The following TNKS2 variants were observed in gnomAD, a reference collection of about 807,000 sequenced individuals.
The protein encoded by TNKS2 is tankyrase 2, also known as poly [ADP-ribose] polymerase tankyrase-2.
A neutral mutation model predicts 137.6 loss-of-function variants in TNKS2; 72 were observed. That is an observed-to-expected ratio of 0.52 (90% CI 0.43 to 0.64). TNKS2 has a LOEUF of 0.64. Ranked by LOEUF, TNKS2 falls within the 30% of genes least tolerant of loss-of-function variation. The pLI, the probability that TNKS2 is intolerant of heterozygous loss-of-function variation, is 0.00. For synonymous variants in TNKS2, 516 were observed against 512.1 expected, an observed-to-expected ratio of 1.01 and a Z score of -0.10; for missense variants, 1,049 against 1,410.2, an observed-to-expected ratio of 0.74 and a Z score of 4.10.
intron 13 of TNKS2, among the ~76,000 whole-genome samples, chr10:91,838,501 C>A (rs776324662): frequency 6.6e-6 from 1 of 152,174 alleles, no homozygotes; most frequent in Non-Finnish European, 1.5e-5. Context: ...CTTTATTCGA[C>A]ACATGCTATT....
chr10:91,857,313 A>C (rs1371630830), intron 23 of TNKS2, 112 bp from the exon 24 acceptor site: 1 of 522,314 alleles, frequency 1.9e-6, no homozygotes, highest in Non-Finnish European at 3.3e-6. Context: ...TTTATATTTC[A>C]GAGTACAGTT....
intron 19 of TNKS2, 59 bp downstream of exon 19, chr10:91,848,694 T>A: frequency 6.3e-7 from 1 of 1,575,440 alleles, no homozygotes. Context: ...ATTTGTCATT[T>A]GGGATGCTAA....
Position 91,821,499 on chromosome 10 carries a change from A to G in TNKS2, c.729-797A>G, listed in dbSNP as rs143055247. 3.8e-3 allele frequency among the ~76,000 whole-genome samples: 580 copies of G among 152,270 alleles called. 1 individual carries two copies. Among genetic ancestry groups the G allele is most frequent in the African/African-American group, 0.013 (538 of 41,540 alleles). ...CTCATAGAACTAAAGACTAAATCACAGGTGACCATCCCTTACCAGAGTTTG... is the reference window on the plus strand; with the variant it reads ...CTCATAGAACTAAAGACTAAATCACGGGTGACCATCCCTTACCAGAGTTTG... On this transcript the variant is annotated intron_variant, in intron 6 of 26. Coordinates refer to ENST00000371627, the MANE Select transcript of TNKS2 (RefSeq NM_025235.4).
chr10:91,855,668 A>G lies in TNKS2; in HGVS notation c.2968A>G (p.Asn990Asp). Residue 990 changes from asparagine to aspartate, a missense_variant, in exon 23 of 27, where the codon AAC becomes GAC. This residue lies in a region of TNKS2 where 133 missense variants were observed against 248.4 expected (regional missense o/e 0.54). Transcript: ENST00000371627. ...RDGGHAGGIFNRYNILKIQKV... is the reference protein window; with the variant it reads ...RDGGHAGGIFDRYNILKIQKV... ...TGGAGGTCATGCAGGTGGAATCTTC[A>G]ACAGATACAATATTCTCAAGGTAAT... is the stretch of plus-strand genomic sequence containing the variant. 1 of 1,612,530 alleles carries G rather than the reference A, an allele frequency of 6.2e-7. No homozygotes were observed. The highest frequency in any genetic ancestry group is 8.5e-7 in the Non-Finnish European group (1 of 1,179,100).
intron 1 of TNKS2, among the ~76,000 whole-genome samples, chr10:91,802,340 C>T (rs564751039): frequency 1.3e-5 from 2 of 152,292 alleles, no homozygotes; most frequent in East Asian, 3.9e-4. Flanking sequence ...ACCATGTTAT[C>T]GTCTTCACAT....
intron 1 of TNKS2, among the ~76,000 whole-genome samples, chr10:91,806,125 G>A (rs1339363626): frequency 2.0e-5 from 3 of 150,152 alleles, no homozygotes; most frequent in Non-Finnish European, 4.4e-5. Flanking sequence ...ATATAGCTAA[G>A]GGAACTTACC....
chr10:91,800,453 A>G (rs543743017), intron 1 of TNKS2, among the ~76,000 whole-genome samples: 1 of 152,352 alleles, frequency 6.6e-6, no homozygotes, highest in Non-Finnish European at 1.5e-5. Flanking sequence ...TAGTGAGTTC[A>G]TATCTGAAAA....
intron 20 of TNKS2, among the ~76,000 whole-genome samples, chr10:91,850,106 C>G (rs1842496489): frequency 6.6e-6 from 1 of 152,180 alleles, no homozygotes. Flanking sequence ...TGGCTCACGC[C>G]TGTAATCCCA....
In TNKS2 at chr10:91,841,396, T is replaced by C; in HGVS notation, c.1787T>C (p.Leu596Ser). Residue 596 changes from leucine (L) to serine (S), a missense_variant, in exon 15 of 27, where the codon TTA (leucine) becomes TCA (serine). This residue lies in a region of TNKS2 where 328 missense variants were observed against 436.0 expected (regional missense o/e 0.75). Transcript: ENST00000371627. ...NVADLWKFTP[L>S]HEAAAKGKYE... The stretch of plus-strand genomic sequence containing the variant: ...GCTGATTTATGGAAATTTACACCTT[T>C]ACATGAAGCAGCAGCAAAAGGAAAA... 1 of 1,609,042 alleles carries C rather than the reference T, an allele frequency of 6.2e-7. No homozygotes were observed. Among genetic ancestry groups the C allele is most frequent in the Non-Finnish European group, 8.5e-7 (1 of 1,177,926 alleles).
rs1296366142 is a variant in TNKS2, at chr10:91,854,832, C to T, written c.2816-197C>T. On this transcript the variant is annotated intron_variant, in intron 21 of 26. Coordinates refer to ENST00000371627, the MANE Select transcript of TNKS2 (RefSeq NM_025235.4). ...GCAGGAGAATCGCTTGAACCCAGGA[C>T]GCGGAGGTTGTGGTGAGCCAAGATC... Among the ~76,000 whole-genome samples, 7 of 149,864 alleles carry T rather than the reference C, an allele frequency of 4.7e-5. No homozygotes were observed. The East Asian group carries it at 1.4e-3, about 29-fold the overall frequency.
At chr10:91,828,157 T>C in intron 8 of TNKS2, 128 bp from the exon 9 acceptor site, 17 of 1,040,686 alleles carry the variant, frequency 1.6e-5, no homozygotes, top group Non-Finnish European at 2.3e-5. Context: ...AGAATATCTT[T>C]AGAGCCTCAA....
At chr10:91,818,096 A>G (rs1385674231) in intron 3 of TNKS2, among the ~76,000 whole-genome samples, 3 of 152,244 alleles carry the variant, frequency 2.0e-5, no homozygotes, top group Non-Finnish European at 2.9e-5. Flanking sequence ...TATTGTGACT[A>G]TCAATCAGTG....
At chr10:91,812,024 A>G (rs1370295787) in intron 1 of TNKS2, among the ~76,000 whole-genome samples, 1 of 149,564 alleles carries the variant, frequency 6.7e-6, no homozygotes, top group East Asian at 2.0e-4. Flanking sequence ...CGTGCCACGC[A>G]CTCCAGCCTG....
In TNKS2 at chr10:91,818,573, C is replaced by A. The variant is rs186073624; in HGVS notation, c.521-697C>A. On this transcript the variant is annotated intron_variant, in intron 3 of 26. Coordinates refer to ENST00000371627, the MANE Select transcript of TNKS2 (RefSeq NM_025235.4). ...GTGTATCAAGGCCTCACTCTGTCGC[C>A]CAGGCTGGAGTGCAGTGGCACAGTC... Among the ~76,000 whole-genome samples the A allele has an allele frequency of 1.7e-3, 260 of 152,100 alleles. 2 individuals carry two copies. The highest frequency in any genetic ancestry group is 3.4e-3 in the Middle Eastern group (1 of 294).
chr10:91,833,213 A>G (rs547658393), intron 11 of TNKS2, among the ~76,000 whole-genome samples: 48 of 152,344 alleles, frequency 3.2e-4, no homozygotes, highest in African/African-American at 1.1e-3. Context: ...CCACTTTGAC[A>G]GATAACCATT....
intron 12 of TNKS2, 79 bp from the exon 13 acceptor site, chr10:91,836,840 G>C (rs989756138): frequency 2.6e-6 from 4 of 1,522,634 alleles, no homozygotes; most frequent in Non-Finnish European, 3.5e-6. Flanking sequence ...TTTGCTTTCT[G>C]ATGAGATGCC....
intron 7 of TNKS2, 28 bp downstream of exon 7, chr10:91,822,390 C>T: frequency 1.9e-6 from 3 of 1,548,384 alleles, no homozygotes; most frequent in Non-Finnish European, 2.7e-6. Context: ...CTCCTAATTA[C>T]TTTCTAGAGT....
intron 1 of TNKS2, among the ~76,000 whole-genome samples, chr10:91,809,050 A>G (rs1844416048): frequency 6.6e-6 from 1 of 152,170 alleles, no homozygotes; most frequent in Non-Finnish European, 1.5e-5. Context: ...GAATGGAACT[A>G]GTTACATTTT....
intron 1 of TNKS2, among the ~76,000 whole-genome samples, chr10:91,810,143 G>A (rs571398514): frequency 6.6e-6 from 1 of 152,176 alleles, no homozygotes; most frequent in South Asian, 2.1e-4. Context: ...CACACTTTGG[G>A]AGGCTGAGGA....
Sources: gnomAD v4.1 joint callset for allele counts (sites outside exome capture counted in the v4.1 genomes callset) on GRCh38, gnomAD v4.1.1 for gene constraint, gnomAD v4.1.1 regional missense constraint, MANE v1.5 for transcripts, NCBI Gene and HGNC (gene_info 2026-07-23, HGNC 2026-07-21) for gene names.